CYTH3: variants seen among roughly 807,000 people sequenced by gnomAD.
The protein encoded by CYTH3 is cytohesin 3, also known as cytohesin-3.
A neutral mutation model predicts 55.1 loss-of-function variants in CYTH3; 23 were observed. That is an observed-to-expected ratio of 0.42 (90% confidence interval 0.30 to 0.59). The LOEUF (loss-of-function observed/expected upper bound fraction) is 0.59, where lower values mean the gene tolerates loss of function less well. CYTH3 is among the 20% of genes least tolerant of loss of function. The probability of loss-of-function intolerance (pLI) is 0.20; values close to 1 mark genes in which losing one functional copy is unlikely to be tolerated. For missense variants in CYTH3, 413 were observed against 524.8 expected, an observed-to-expected ratio of 0.79 and a Z score of 2.08; for synonymous variants, 249 against 194.9, an observed-to-expected ratio of 1.28 and a Z score of -2.31.
intron 6 of CYTH3, 32 bp downstream of exon 6, chr7:6,173,621 C>G: frequency 6.9e-7 from 1 of 1,453,016 alleles, no homozygotes; most frequent in African/African-American, 1.4e-5. Flanking sequence ...CCTTCCCCAT[C>G]CACTCTACAC....
intron 1 of CYTH3, among the ~76,000 whole-genome samples, chr7:6,230,634 C>G (rs911987356): frequency 6.6e-6 from 1 of 152,128 alleles, no homozygotes; most frequent in African/African-American, 2.4e-5. Context: ...TTTCATGCCA[C>G]GGATCCAATG....
chr7:6,249,635 A>G (rs550415593), intron 1 of CYTH3, among the ~76,000 whole-genome samples: 38 of 152,370 alleles, frequency 2.5e-4, no homozygotes, highest in African/African-American at 9.1e-4. Context: ...ATCTGCTTAT[A>G]GGTTTCCCAT....
chr7:6,202,552 C>T (rs978792612), intron 1 of CYTH3, among the ~76,000 whole-genome samples: 1 of 151,832 alleles, frequency 6.6e-6, no homozygotes, highest in Non-Finnish European at 1.5e-5. Context: ...CAACCTCCGC[C>T]TCCTGGGTTC....
intron 1 of CYTH3, among the ~76,000 whole-genome samples, chr7:6,227,112 A>T (rs909528697): frequency 6.6e-6 from 1 of 151,674 alleles, no homozygotes; most frequent in African/African-American, 2.4e-5. Flanking sequence ...AAGGGCTGGC[A>T]CATGGTGTGC....
chr7:6,214,879 A>G (rs1784392419), intron 1 of CYTH3, among the ~76,000 whole-genome samples: 1 of 152,200 alleles, frequency 6.6e-6, no homozygotes, highest in Non-Finnish European at 1.5e-5. Context: ...ACAGGCAAAG[A>G]GCTGCCTAGT....
chr7:6,196,301 G>C (rs562256018), intron 1 of CYTH3, among the ~76,000 whole-genome samples: 12 of 152,164 alleles, frequency 7.9e-5, no homozygotes, highest in Admixed American at 2.0e-4. Context: ...GTGAGAAGTA[G>C]GAAAGAATGA....
intron 1 of CYTH3, among the ~76,000 whole-genome samples, chr7:6,254,822 T>C (rs972654132): frequency 1.3e-5 from 2 of 152,186 alleles, no homozygotes; most frequent in Non-Finnish European, 2.9e-5. Flanking sequence ...GACAAGCAAA[T>C]GTGGCCAAAT....
In CYTH3 at chr7:6,192,130, A is replaced by C. The variant is rs565655394; in HGVS notation, c.35-1599T>G. ...TTAATAAATAAAAACTTTATTCTCC[A>C]AAAGTTCCACACCACAGAGTGAAGA... On this transcript the variant is annotated intron_variant, in intron 1 of 12. Transcript: ENST00000350796. 2.6e-5 allele frequency among the ~76,000 whole-genome samples: 4 copies of C among 152,320 alleles called. No homozygotes were observed. The South Asian group carries it at 8.3e-4, about 32-fold the overall frequency.
chr7:6,165,268 C>G lies in CYTH3; in HGVS notation c.1127+5G>C. ...GCCTGGCCCCGCCCCCGAGGCCCCACTCACTTGATGGATTTCATCCACTCC... is the reference window on the plus strand; with the variant it reads ...GCCTGGCCCCGCCCCCGAGGCCCCAGTCACTTGATGGATTTCATCCACTCC... On this transcript the variant is annotated splice_donor_5th_base_variant and intron_variant, in intron 12 of 12. Coordinates refer to ENST00000350796, the MANE Select transcript of CYTH3 (RefSeq NM_004227.4). 6.2e-7 allele frequency: 1 copy of G among 1,607,998 alleles called. No individual in the cohort carries two copies. The highest frequency in any genetic ancestry group is 2.2e-5 in the East Asian group (1 of 44,790).
intron 5 of CYTH3, among the ~76,000 whole-genome samples, chr7:6,174,672 C>T (rs1015197077): frequency 2.0e-5 from 3 of 151,738 alleles, no homozygotes; most frequent in Middle Eastern, 3.4e-3. Context: ...CTCAGCCTCC[C>T]GAGTAGCTGG....
At chr7:6,221,103 T>C (rs1164381436) in intron 1 of CYTH3, among the ~76,000 whole-genome samples, 1 of 152,066 alleles carries the variant, frequency 6.6e-6, no homozygotes, top group African/African-American at 2.4e-5. Flanking sequence ...AACCTGAACA[T>C]GAATGTTCAC....
At chr7:6,166,039 G>A (rs144361268) in intron 9 of CYTH3, among the ~76,000 whole-genome samples, 18 of 152,290 alleles carry the variant, frequency 1.2e-4, no homozygotes, top group African/African-American at 1.9e-4. Context: ...TGACACAACC[G>A]CGCTACAATT....
At chr7:6,224,854 C>T (rs1779200215) in intron 1 of CYTH3, among the ~76,000 whole-genome samples, 1 of 152,174 alleles carries the variant, frequency 6.6e-6, no homozygotes, top group Non-Finnish European at 1.5e-5. Flanking sequence ...TATTTCCTGA[C>T]ACTGGGATAT....
chr7:6,270,511 G>C (rs966443936), intron 1 of CYTH3, among the ~76,000 whole-genome samples: 1 of 151,802 alleles, frequency 6.6e-6, no homozygotes, highest in East Asian at 1.9e-4. Flanking sequence ...CCAGAAACCT[G>C]GAAAATATAA....
At chr7:6,179,343 G>C (rs1402847878) in intron 4 of CYTH3, among the ~76,000 whole-genome samples, 1 of 152,152 alleles carries the variant, frequency 6.6e-6, no homozygotes, top group Non-Finnish European at 1.5e-5. Context: ...ACCCTGGGGA[G>C]TGAATTCCCT....
chr7:6,172,907 C>T (rs1030112174), intron 6 of CYTH3: 60 of 1,221,438 alleles, frequency 4.9e-5, no homozygotes, highest in Non-Finnish European at 6.0e-5. Flanking sequence ...TTGCAGTCTG[C>T]AGTTGAGGTA....
At chr7:6,261,296 A>C (rs1251822285) in intron 1 of CYTH3, among the ~76,000 whole-genome samples, 1 of 152,146 alleles carries the variant, frequency 6.6e-6, no homozygotes, top group African/African-American at 2.4e-5. Flanking sequence ...GGGGACAAAA[A>C]TTAGAGTTCA....
chr7:6,169,920 G>A lies in CYTH3; in HGVS notation c.823+615C>T, dbSNP rs1330195152. Among the ~76,000 whole-genome samples the A allele has an allele frequency of 1.3e-5, 2 of 152,188 alleles. No homozygotes were observed. Among genetic ancestry groups the A allele is most frequent in the South Asian group, 4.1e-4 (2 of 4,834 alleles). On this transcript the variant is annotated intron_variant, in intron 9 of 12. Transcript: ENST00000350796. The surrounding 1 kb of genome is among the most constrained non-coding windows in gnomAD (Gnocchi z 4.1). ...GCCACTCTCAGCCCCGCCCCTGGGG[G>A]TGGGTGTAGCATTCACCACACCGTG...
chr7:6,200,846 C>T (rs1784043862), intron 1 of CYTH3, among the ~76,000 whole-genome samples: 1 of 152,220 alleles, frequency 6.6e-6, no homozygotes, highest in African/African-American at 2.4e-5. Flanking sequence ...GCCTCAGCGT[C>T]CCAAACTCAG....
Sources: gnomAD v4.1 joint callset for allele counts (sites outside exome capture counted in the v4.1 genomes callset) on GRCh38, gnomAD v4.1.1 for gene constraint, Gnocchi (gnomAD v3.1) non-coding constraint, MANE v1.5 for transcripts, NCBI Gene and HGNC (gene_info 2026-07-23, HGNC 2026-07-21) for gene names.